SLC35F1: variants seen among roughly 807,000 people sequenced by gnomAD.
SLC35F1 encodes chromosome 6 open reading frame 169.
In SLC35F1, 14 loss-of-function variants were observed where a neutral mutation model predicts 48.7. The observed-to-expected ratio is 0.29, with a 90% confidence interval of 0.19 to 0.45. The LOEUF is 0.45. Among genes scored for constraint, SLC35F1 ranks in the 20% least tolerant of loss-of-function variants. The pLI is 1.00. For missense variants in SLC35F1, 404 were observed against 500.0 expected (o/e 0.81, Z 1.83); for synonymous variants, 190 against 202.2 (o/e 0.94, Z 0.51).
intron 1 of SLC35F1, among the ~76,000 whole-genome samples, chr6:118,102,769 A>G (rs1263535980): frequency 1.3e-5 from 2 of 152,160 alleles, no homozygotes; most frequent in Non-Finnish European, 2.9e-5. Flanking sequence ...GGCAAAACCA[A>G]TGCTTTGCAG....
intron 1 of SLC35F1, among the ~76,000 whole-genome samples, chr6:118,054,240 C>A (rs1772431578): frequency 6.6e-6 from 1 of 152,252 alleles, no homozygotes; most frequent in East Asian, 1.9e-4. Flanking sequence ...AGAAGAAGCA[C>A]TTTGTAGACA....
At chr6:117,943,239 A>G (rs1776254979) in intron 1 of SLC35F1, among the ~76,000 whole-genome samples, 1 of 152,186 alleles carries the variant, frequency 6.6e-6, no homozygotes, top group Admixed American at 6.5e-5. Context: ...AGACCTGTGG[A>G]GGTAACCAAA....
chr6:118,080,008 A>G (rs1772882589), intron 1 of SLC35F1, among the ~76,000 whole-genome samples: 1 of 152,182 alleles, frequency 6.6e-6, no homozygotes, highest in South Asian at 2.1e-4. Context: ...GGGACTAGGA[A>G]TTTAGAAAGC....
chr6:118,078,410 C>T (rs1054562104), intron 1 of SLC35F1, among the ~76,000 whole-genome samples: 11 of 152,050 alleles, frequency 7.2e-5, no homozygotes, highest in African/African-American at 2.4e-4. Flanking sequence ...GGAATACACA[C>T]ATGGGAAATG....
At chr6:118,095,298 T>C (rs1582663572) in intron 1 of SLC35F1, among the ~76,000 whole-genome samples, 1 of 152,200 alleles carries the variant, frequency 6.6e-6, no homozygotes, top group East Asian at 1.9e-4. Flanking sequence ...GGTGCCAGCA[T>C]TGAATATCTC....
chr6:118,214,628 G>A (rs1334679417), intron 2 of SLC35F1, among the ~76,000 whole-genome samples: 1 of 152,294 alleles, frequency 6.6e-6, no homozygotes, highest in East Asian at 1.9e-4. Context: ...AATAAGTCAA[G>A]CACACGTAGA....
intron 1 of SLC35F1, among the ~76,000 whole-genome samples, chr6:118,057,374 G>A (rs1772477102): frequency 1.3e-5 from 2 of 152,156 alleles, no homozygotes; most frequent in South Asian, 4.1e-4. Context: ...AGTCCCAGAG[G>A]ATCCTTCTGA....
At chr6:118,286,316 C>A (rs776370310) in intron 7 of SLC35F1, among the ~76,000 whole-genome samples, 4 of 152,130 alleles carry the variant, frequency 2.6e-5, no homozygotes, top group African/African-American at 4.8e-5. Flanking sequence ...TGATGGGGCA[C>A]CTTGGTAGGC....
chr6:118,280,140 A>G (rs1775964365), intron 6 of SLC35F1, among the ~76,000 whole-genome samples: 1 of 152,230 alleles, frequency 6.6e-6, no homozygotes. Flanking sequence ...CCATTGTTTT[A>G]CAGTACTGAA....
chr6:118,245,502 T>C (rs1020573940), intron 3 of SLC35F1, among the ~76,000 whole-genome samples: 4 of 152,188 alleles, frequency 2.6e-5, no homozygotes, highest in African/African-American at 7.2e-5. Context: ...CTGTCTGGCG[T>C]TCTGCTGGCC....
In SLC35F1 at chr6:118,075,662, C is replaced by T. The variant is rs560587883; in HGVS notation, c.174-78783C>T. Reference sequence around the variant, plus strand: ...ATGCAGTATTTTTGATCTATCATTGCTTTATTTCTGGAAACAACATGATTG... The same window carrying T: ...ATGCAGTATTTTTGATCTATCATTGTTTTATTTCTGGAAACAACATGATTG... On this transcript the variant is annotated intron_variant, in intron 1 of 7. Coordinates refer to ENST00000360388, the MANE Select transcript of SLC35F1 (RefSeq NM_001029858.4). Among the ~76,000 whole-genome samples the T allele has an allele frequency of 2.0e-5, 3 of 152,240 alleles. No individual in the cohort carries two copies. In the South Asian group the frequency reaches 6.2e-4, roughly 32 times the overall value.
intron 1 of SLC35F1, among the ~76,000 whole-genome samples, chr6:118,032,271 G>A (rs1772065112): frequency 6.6e-6 from 1 of 151,998 alleles, no homozygotes; most frequent in Non-Finnish European, 1.5e-5. Context: ...AAAAAATGAG[G>A]GTGGACATGG....
At chr6:118,278,467 C>T (rs1007793212) in intron 6 of SLC35F1, among the ~76,000 whole-genome samples, 9 of 152,212 alleles carry the variant, frequency 5.9e-5, no homozygotes, top group African/African-American at 2.2e-4. Context: ...ACCTACCTGT[C>T]CCCATCCCCT....
At chr6:118,166,368 C>A (rs965828502) in intron 2 of SLC35F1, among the ~76,000 whole-genome samples, 3 of 151,968 alleles carry the variant, frequency 2.0e-5, no homozygotes, top group East Asian at 1.9e-4. Context: ...ACTACTGGGG[C>A]CTTACCAGAT....
chr6:118,247,685 C>T (rs902278972), intron 3 of SLC35F1, among the ~76,000 whole-genome samples: 1 of 147,558 alleles, frequency 6.8e-6, no homozygotes, highest in African/African-American at 2.7e-5. Context: ...CTTCTGTAGT[C>T]CAGTATTACA....
chr6:118,314,393 G>A lies in SLC35F1; in HGVS notation c.*141G>A. 1 of 711,994 alleles carries A rather than the reference G, an allele frequency of 1.4e-6. No individual in the cohort carries two copies. Among genetic ancestry groups the A allele is most frequent in the Non-Finnish European group, 2.3e-6 (1 of 426,476 alleles). 44.1% of individuals were successfully genotyped at this position (711,994 alleles called of 1,614,324 possible). ...AAGGTAGCAAATCCTCCAAAAGCTT[G>A]TGAAAGGAACAAGCTCAACATCACT... On this transcript the variant is annotated 3_prime_UTR_variant, in exon 8 of 8. Coordinates refer to ENST00000360388, the MANE Select transcript of SLC35F1 (RefSeq NM_001029858.4).
chr6:118,138,006 G>A (rs1773822564), intron 1 of SLC35F1, among the ~76,000 whole-genome samples: 1 of 152,052 alleles, frequency 6.6e-6, no homozygotes, highest in South Asian at 2.1e-4. Flanking sequence ...CAGATGCCAG[G>A]ATATTCCAAC....
chr6:118,115,539 G>A (rs998161026), intron 1 of SLC35F1, among the ~76,000 whole-genome samples: 1 of 152,154 alleles, frequency 6.6e-6, no homozygotes, highest in Admixed American at 6.5e-5. Flanking sequence ...CAGATCTTAA[G>A]TCTCAGTGTT....
chr6:117,983,102 A>G (rs917940377), intron 1 of SLC35F1, among the ~76,000 whole-genome samples: 10 of 152,336 alleles, frequency 6.6e-5, no homozygotes, highest in East Asian at 1.9e-4. Context: ...GACCTAGACT[A>G]GAACACTTGG....
Sources: allele counts gnomAD v4.1 joint callset (sites outside exome capture counted in the v4.1 genomes callset), GRCh38; gene constraint gnomAD v4.1.1; transcripts MANE v1.5; gene names NCBI Gene and HGNC (gene_info 2026-07-23, HGNC 2026-07-21).